Variants in DNASE1L1 observed in about 807,000 individuals in gnomAD.
DNASE1L1 encodes deoxyribonuclease 1 like 1.
Under a neutral mutation model 18.6 loss-of-function variants are expected in DNASE1L1, and 8 were observed. That is an observed-to-expected ratio of 0.43 (90% CI 0.25 to 0.78). The LOEUF (loss-of-function observed/expected upper bound fraction) is 0.78. Ranked by LOEUF, DNASE1L1 falls within the 30% of genes least tolerant of loss-of-function variation. The pLI, the probability that DNASE1L1 is intolerant of heterozygous loss-of-function variation, is 0.23. For missense variants in DNASE1L1, 214 were observed against 258.2 expected, an observed-to-expected ratio of 0.83 and a Z score of 1.17; for synonymous variants, 114 against 114.2, an observed-to-expected ratio of 1.00 and a Z score of 0.01.
chrX:154,402,830 G>A lies in DNASE1L1; in HGVS notation c.786C>T (p.Ile262=), dbSNP rs1236033176. ...CCACCTCCACGGGGTAGTGGTCACT[G>A]ATGTTGAGGGCCTGGGAATGGGTGG... ...FQLTEEEALN[I]SDHYPVEVEL... The change falls in exon 8 of 8, where the codon ATC becomes ATT. Residue 262 remains isoleucine (I), a synonymous_variant. Coordinates refer to ENST00000369807, the MANE Select transcript of DNASE1L1 (RefSeq NM_001303620.2). 6 of 1,208,176 alleles carry A rather than the reference G, an allele frequency of 5.0e-6. No individual in the cohort carries two copies. In the African/African-American group the frequency reaches 1.0e-4, roughly 21 times the overall value.
chrX:154,402,173 A>G lies in DNASE1L1; in HGVS notation c.*534T>C, dbSNP rs1189960244. ...CAGCGGTTATAACAGGCCTGACTGC[A>G]TTGTTCACCGGATTATAATGAGCCA... is the stretch of plus-strand genomic sequence containing the variant. On this transcript the variant is annotated 3_prime_UTR_variant, in exon 8 of 8. Coordinates refer to ENST00000369807, the MANE Select transcript of DNASE1L1 (RefSeq NM_001303620.2). The G allele has an allele frequency of 8.3e-6, 1 of 120,581 alleles. No homozygotes were observed. The highest frequency in any genetic ancestry group is 1.7e-5 in the Non-Finnish European group (1 of 58,182). The allele number at this position is 120,581 out of a possible 1,213,427, so 9.9% of individuals were successfully genotyped here.
chrX:154,409,318 G>C (rs1281298287), upstream of DNASE1L1: 1 of 240,461 alleles, frequency 4.2e-6, no homozygotes, highest in Non-Finnish European at 7.9e-6. Flanking sequence ...CCGCCTCGCC[G>C]CCAACAAGGA....
rs782797323 is a variant in DNASE1L1, at chrX:154,408,118, A to G, written c.-88+994T>C. ...CGGCTAATTTTTGTACTTTTAGTAG[A>G]GACAGGGTTTCACCATGTTGGCCAG... On this transcript the variant is annotated intron_variant, in intron 1 of 7. Transcript: ENST00000369807. Among the ~76,000 whole-genome samples the G allele has an allele frequency of 4.5e-5, 5 of 109,959 alleles. No homozygotes were observed. The East Asian group carries it at 1.4e-3, about 32-fold the overall frequency.
At position 154,404,998 on chromosome X, in the gene DNASE1L1, T is replaced by C. The variant is rs782632206; in HGVS notation, c.221A>G (p.Asn74Ser). 9 of 1,208,438 alleles carry C rather than the reference T, an allele frequency of 7.4e-6. No individual in the cohort carries two copies. The Admixed American group carries it at 1.5e-4, about 21-fold the overall frequency. ...AGACCCACAGAATCTTCCTCACCGA[T>C]TGAGTTCTCGAAGCAGGAGCGGGAT... The part of the protein sequence containing the change: ...SAIPLLLREL[N>S]RFDGSGPYST... The change falls in exon 3 of 8, where the codon AAT (asparagine) becomes AGT (serine). Residue 74 changes from asparagine (N) to serine (S), a missense_variant. By Grantham distance (46) the Asn-to-Ser change is conservative (BLOSUM62 1). Transcript: ENST00000369807.
At position 154,401,626 on chromosome X, in the gene DNASE1L1, C is replaced by T. The variant is rs1390436970; in HGVS notation, c.*1081G>A. 9.0e-6 allele frequency: 1 copy of T among 111,522 alleles called. No individual in the cohort carries two copies. The highest frequency in any genetic ancestry group is 3.3e-5 in the African/African-American group (1 of 30,528). The allele number at this position is 111,522 out of a possible 1,213,427, so 9.2% of individuals were successfully genotyped here. A position where few individuals can be genotyped will look rare whatever the true frequency, so the allele number is the denominator to read the frequency against. On this transcript the variant is annotated 3_prime_UTR_variant, in exon 8 of 8. Transcript: ENST00000369807. ...ATGAGAGGAGTGCTAGGTGGGTGGCCTGAGCATCTGTATCCAGGGACAGGA... is the reference window on the plus strand; with the variant it reads ...ATGAGAGGAGTGCTAGGTGGGTGGCTTGAGCATCTGTATCCAGGGACAGGA...
chrX:154,410,499 G>A (rs1416602257), upstream of DNASE1L1, among the ~76,000 whole-genome samples: 16 of 110,692 alleles, frequency 1.4e-4, no homozygotes, highest in Non-Finnish European at 2.1e-4. Flanking sequence ...GTTGCAATGA[G>A]CTGAGATCTC....
Position 154,402,689 on chromosome X carries a change from G to T in DNASE1L1, c.*18C>A, listed in dbSNP as rs201589296. On this transcript the variant is annotated 3_prime_UTR_variant, in exon 8 of 8. Transcript: ENST00000369807. ...TAAGTCCCAAAAGGCAGCAGGCCCTGGGGGGGTAGGGGGACGCTCAGGCAG... is the reference window on the plus strand; with the variant it reads ...TAAGTCCCAAAAGGCAGCAGGCCCTTGGGGGGTAGGGGGACGCTCAGGCAG... 2.4e-4 allele frequency: 287 copies of T among 1,193,389 alleles called. 1 individual carries two copies. The African/African-American group carries it at 4.7e-3, about 19-fold the overall frequency.
chrX:154,403,617 T>C lies in DNASE1L1; in HGVS notation c.317A>G (p.His106Arg). Residue 106 changes from histidine (H) to arginine (R), a missense_variant, in exon 5 of 8, where the codon CAC (histidine) becomes CGC (arginine). Transcript: ENST00000369807. The stretch of plus-strand genomic sequence containing the variant: ...GTAGGAACTCAGGACCTGTGTTTTG[T>C]GTGACCTGGGAGGACAAAGGGATGG... Reference protein sequence around the residue: ...METYVYFYRSHKTQVLSSYVY... With the variant: ...METYVYFYRSRKTQVLSSYVY... 8.3e-7 allele frequency: 1 copy of C among 1,210,656 alleles called. No individual in the cohort carries two copies. The highest frequency in any genetic ancestry group is 1.1e-6 in the Non-Finnish European group (1 of 894,196).
chrX:154,403,715 AC>A, intron 4 of DNASE1L1, 93 bp from the exon 5 acceptor site: 1 of 720,355 alleles, frequency 1.4e-6, no homozygotes. Flanking sequence ...CCCTCCACTA[AC>A]AGCGGCAATG....
At position 154,402,592 on chromosome X, in the gene DNASE1L1, A is replaced by T. The variant is rs1366349039; in HGVS notation, c.*115T>A. 1 of 737,900 alleles carries T rather than the reference A, an allele frequency of 1.4e-6. No individual in the cohort carries two copies. The allele number at this position is 737,900 out of a possible 1,213,427, so 60.8% of individuals were successfully genotyped here. A position where few individuals can be genotyped will look rare whatever the true frequency, so the allele number is the denominator to read the frequency against. On this transcript the variant is annotated 3_prime_UTR_variant, in exon 8 of 8. Transcript: ENST00000369807. Reference sequence around the variant, plus strand: ...AATCAAACAAGGCAGGCAGGGGTGGACTACAGTCACAGGGCAACTATAGTT... The same window carrying T: ...AATCAAACAAGGCAGGCAGGGGTGGTCTACAGTCACAGGGCAACTATAGTT...
intron 1 of DNASE1L1, among the ~76,000 whole-genome samples, chrX:154,407,450 G>A (rs377726757): frequency 9.4e-5 from 10 of 105,836 alleles, no homozygotes; most frequent in African/African-American, 3.4e-4. Context: ...TCTTGGCCAG[G>A]ATGGTCTCGA....
At chrX:154,408,903 C>T in intron 1 of DNASE1L1, 1 of 205,256 alleles carries the variant, frequency 4.9e-6, no homozygotes, top group South Asian at 5.8e-5. Flanking sequence ...TGGGCTGGCA[C>T]ATGCAGCCTT....
At chrX:154,410,951 C>T (rs1012022239), upstream of DNASE1L1, among the ~76,000 whole-genome samples, 1 of 111,036 alleles carries the variant, frequency 9.0e-6, no homozygotes, top group East Asian at 2.8e-4. Flanking sequence ...GCTTTCTTTC[C>T]GGGTCATGAA....
intron 1 of DNASE1L1, among the ~76,000 whole-genome samples, chrX:154,407,893 G>A (rs2068192522): frequency 9.7e-6 from 1 of 103,145 alleles, no homozygotes; most frequent in Admixed American, 1.1e-4. Flanking sequence ...AGCCTTCCGA[G>A]TAGATGGGAC....
chrX:154,411,945 C>T, upstream of DNASE1L1: 1 of 1,206,841 alleles, frequency 8.3e-7, no homozygotes, highest in African/African-American at 1.7e-5. Flanking sequence ...ACAGCTGCTT[C>T]TGGACCAGTG....
At chrX:154,410,291 A>G (rs1207914308), upstream of DNASE1L1, among the ~76,000 whole-genome samples, 2 of 111,167 alleles carry the variant, frequency 1.8e-5, no homozygotes, top group African/African-American at 6.5e-5. Context: ...AAAACAGGCC[A>G]GGTAGGATGA....
chrX:154,402,271 AT>A lies in DNASE1L1; in HGVS notation c.*435del, dbSNP rs1361228629. On this transcript the variant is annotated 3_prime_UTR_variant, in exon 8 of 8. Transcript: ENST00000369807. ...CAGATTAACCACCCTCCTTGTAGCTATTGGGGCTTAATGGTTTCCTGGTGAT... is the reference window on the plus strand; with the variant it reads ...CAGATTAACCACCCTCCTTGTAGCTATGGGGCTTAATGGTTTCCTGGTGAT... 2 of 134,552 alleles carry A rather than the reference AT, an allele frequency of 1.5e-5. No homozygotes were observed. Among genetic ancestry groups the A allele is most frequent in the Non-Finnish European group, 3.0e-5 (2 of 67,199 alleles). 11.1% of individuals were successfully genotyped at this position (134,552 alleles called of 1,213,427 possible).
In DNASE1L1 at chrX:154,401,774, CTTTAT is replaced by C. The variant is rs1229514420; in HGVS notation, c.*928_*932del. ...AGCCATTTCTTAGGTTTTTAATTACCTTTATTTTATTTTGCCAAACATACCTGGGA... is the reference window on the plus strand; with the variant it reads ...AGCCATTTCTTAGGTTTTTAATTACCTTTATTTTGCCAAACATACCTGGGA... On this transcript the variant is annotated 3_prime_UTR_variant, in exon 8 of 8. Transcript: ENST00000369807. 4 of 110,822 alleles carry C rather than the reference CTTTAT, an allele frequency of 3.6e-5. No homozygotes were observed. The highest frequency in any genetic ancestry group is 6.7e-5 in the African/African-American group (2 of 29,662). The allele number at this position is 110,822 out of a possible 1,213,427, so 9.1% of individuals were successfully genotyped here.
Position 154,409,140 on chromosome X carries a change from G to A in DNASE1L1, c.-116C>T, listed in dbSNP as rs1450726285. 3 of 340,586 alleles carry A rather than the reference G, an allele frequency of 8.8e-6. No homozygotes were observed. Among genetic ancestry groups the A allele is most frequent in the African/African-American group, 7.9e-5 (3 of 37,881 alleles). 28.1% of individuals were successfully genotyped at this position (340,586 alleles called of 1,213,427 possible). A position where few individuals can be genotyped will look rare whatever the true frequency, so the allele number is the denominator to read the frequency against. On this transcript the variant is annotated 5_prime_UTR_variant, in exon 1 of 8. An upstream open reading frame in the 5' UTR gains an earlier in-frame stop. Transcript: ENST00000369807. ...CTCAGACCAGCTTGTCACCAAGTCTGCCTCATCCTTAAGTGGATCGCGATA... is the reference window on the plus strand; with the variant it reads ...CTCAGACCAGCTTGTCACCAAGTCTACCTCATCCTTAAGTGGATCGCGATA...
Sources: gnomAD v4.1 joint callset for allele counts (sites outside exome capture counted in the v4.1 genomes callset) on GRCh38, gnomAD v4.1.1 for gene constraint, MANE v1.5 for transcripts, NCBI Gene and HGNC (gene_info 2026-07-23, HGNC 2026-07-21) for gene names.